RAB35: variants seen among roughly 807,000 people sequenced by gnomAD.
The protein encoded by RAB35 is ras-related protein Rab-35.
Under a neutral mutation model 28.9 loss-of-function variants are expected in RAB35, and 4 were observed. The observed-to-expected ratio is 0.14, with a 90% confidence interval of 0.07 to 0.32. The LOEUF is 0.32. Ranked by LOEUF, RAB35 falls within the 10% of genes least tolerant of loss-of-function variation. RAB35 has a pLI of 1.00. For synonymous variants in RAB35, 99 were observed against 105.1 expected (o/e 0.94, Z 0.35); for missense variants, 128 against 274.0 (o/e 0.47, Z 3.76).
intron 5 of RAB35, among the ~76,000 whole-genome samples, chr12:120,098,527 A>G (rs1485551584): frequency 1.3e-5 from 2 of 152,284 alleles, no homozygotes; most frequent in Non-Finnish European, 2.9e-5. Flanking sequence ...GGTGTGGGAC[A>G]GAGGTTTACT....
chr12:120,097,879 C>CTTTT (rs1043936271), intron 5 of RAB35, among the ~76,000 whole-genome samples: 11 of 127,714 alleles, frequency 8.6e-5, no homozygotes, highest in Non-Finnish European at 1.2e-4. Flanking sequence ...CAGCTGGAAT[C>CTTTT]TTTTTTTTTT....
intron 1 of RAB35, among the ~76,000 whole-genome samples, chr12:120,111,489 G>A (rs1220104165): frequency 6.6e-6 from 1 of 152,074 alleles, no homozygotes; most frequent in African/African-American, 2.4e-5. Context: ...AGACCATCCT[G>A]GCCAACATGA....
intron 2 of RAB35, among the ~76,000 whole-genome samples, chr12:120,104,349 C>T (rs890571322): frequency 1.3e-5 from 2 of 152,042 alleles, no homozygotes; most frequent in Admixed American, 6.6e-5. Context: ...AAATTTAGGG[C>T]CCTCAAAATT....
chr12:120,109,787 A>G (rs937956794), intron 1 of RAB35, among the ~76,000 whole-genome samples: 7 of 151,810 alleles, frequency 4.6e-5, no homozygotes, highest in African/African-American at 1.7e-4. Flanking sequence ...TACAGGCATG[A>G]GCCACTGCGC....
intron 1 of RAB35, among the ~76,000 whole-genome samples, chr12:120,113,734 C>T (rs1258294214): frequency 6.6e-6 from 1 of 151,240 alleles, no homozygotes; most frequent in Non-Finnish European, 1.5e-5. Context: ...AGGAGAATGG[C>T]GTGAACCGGG....
Position 120,107,068 on chromosome 12 carries a change from A to G in RAB35, c.103+1349T>C, listed in dbSNP as rs1037038084. 4.6e-5 allele frequency among the ~76,000 whole-genome samples: 7 copies of G among 151,710 alleles called. No individual in the cohort carries two copies. The East Asian group carries it at 9.8e-4, about 21-fold the overall frequency. On this transcript the variant is annotated intron_variant, in intron 2 of 5. Coordinates refer to ENST00000229340, the MANE Select transcript of RAB35 (RefSeq NM_006861.7). Reference sequence around the variant, plus strand: ...CAGTGGTGCCATCTCAGCTCACTGCAACCTCCCTCTCCCGGATTCAAGCAA... The same window carrying G: ...CAGTGGTGCCATCTCAGCTCACTGCGACCTCCCTCTCCCGGATTCAAGCAA...
intron 5 of RAB35, 81 bp from the exon 6 acceptor site, chr12:120,097,454 TC>T (rs1407865981): frequency 8.7e-7 from 1 of 1,154,898 alleles, no homozygotes; most frequent in East Asian, 2.4e-5. Flanking sequence ...CTCCCCGCCT[TC>T]CGGGGCCCAG....
In RAB35 at chr12:120,096,114, C is replaced by G. The variant is rs1594234408; in HGVS notation, c.*1131G>C. The stretch of plus-strand genomic sequence containing the variant: ...GGTTAGGACAGTGACCAGGGCCTGT[C>G]CATGGTCCCCACCCAGAGGCCCCAG... On this transcript the variant is annotated 3_prime_UTR_variant, in exon 6 of 6. Transcript: ENST00000229340. 2 of 300,582 alleles carry G rather than the reference C, an allele frequency of 6.7e-6. No homozygotes were observed. Among genetic ancestry groups the G allele is most frequent in the African/African-American group, 4.4e-5 (2 of 45,112 alleles). 18.6% of individuals were successfully genotyped at this position (300,582 alleles called of 1,614,324 possible).
At position 120,095,931 on chromosome 12, in the gene RAB35, G is replaced by A. The variant is rs1269741320; in HGVS notation, c.*1314C>T. ...CCAGGTCACTTGATCCCTGTAGTGG[G>A]AGGGGAATGAGGTGTCCGGGCTGGG... On this transcript the variant is annotated 3_prime_UTR_variant, in exon 6 of 6. Transcript: ENST00000229340. 4 of 157,354 alleles carry A rather than the reference G, an allele frequency of 2.5e-5. No homozygotes were observed. Among genetic ancestry groups the A allele is most frequent in the Admixed American group, 1.9e-4 (3 of 16,074 alleles). 9.7% of individuals were successfully genotyped at this position (157,354 alleles called of 1,614,324 possible).
Position 120,103,549 on chromosome 12 carries a change from C to A in RAB35, c.227+277G>T, listed in dbSNP as rs939483152. Among the ~76,000 whole-genome samples, 1 of 152,194 alleles carries A rather than the reference C, an allele frequency of 6.6e-6. No individual in the cohort carries two copies. The highest frequency in any genetic ancestry group is 1.5e-5 in the Non-Finnish European group (1 of 68,032). ...TCTGTAAGGTGACGGCACAGTGGGC[C>A]GGAGGGTCGGCTGACTCTCCAAGGA... On this transcript the variant is annotated intron_variant, in intron 3 of 5. Transcript: ENST00000229340. This position sits in a 1 kb window ranked among gnomAD's most constrained non-coding sequence, Gnocchi z 6.1.
At chr12:120,114,600 G>A (rs563585417) in intron 1 of RAB35, among the ~76,000 whole-genome samples, 1 of 152,306 alleles carries the variant, frequency 6.6e-6, no homozygotes, top group African/African-American at 2.4e-5. Flanking sequence ...CTCAATGTCG[G>A]GAGAAATCAA....
In RAB35 at chr12:120,097,014, G is replaced by A. The variant is rs916792714; in HGVS notation, c.*231C>T. 1.5e-5 allele frequency: 23 copies of A among 1,508,856 alleles called. No homozygotes were observed. The highest frequency in any genetic ancestry group is 5.5e-5 in the African/African-American group (4 of 72,502). 93.5% of individuals were successfully genotyped at this position (1,508,856 alleles called of 1,614,324 possible). On this transcript the variant is annotated 3_prime_UTR_variant, in exon 6 of 6. Transcript: ENST00000229340. ...GGCAGCGTCCTCGCCAGGTCCAGGCGCCTTGGCCGGGGAGGAGGGGGCACC... is the reference window on the plus strand; with the variant it reads ...GGCAGCGTCCTCGCCAGGTCCAGGCACCTTGGCCGGGGAGGAGGGGGCACC...
Position 120,116,662 on chromosome 12 carries a change from GCGGTGCGCGCGGGCGGGCGGGGT to G in RAB35, c.-35_-13del, listed in dbSNP as rs1374763903. ...TAGTCCCGGGCCATGGCGGGCGGGGGCGGTGCGCGCGGGCGGGCGGGGTCGGTACTGGCCTCGCGATCCGCAGC... is the reference window on the plus strand; with the variant it reads ...TAGTCCCGGGCCATGGCGGGCGGGGGCGGTACTGGCCTCGCGATCCGCAGC... On this transcript the variant is annotated 5_prime_UTR_variant, in exon 1 of 6. Coordinates refer to ENST00000229340, the MANE Select transcript of RAB35 (RefSeq NM_006861.7). 2.0e-5 allele frequency: 25 copies of G among 1,224,192 alleles called. No individual in the cohort carries two copies. Among genetic ancestry groups the G allele is most frequent in the Non-Finnish European group, 2.4e-5 (24 of 983,012 alleles). The allele number at this position is 1,224,192 out of a possible 1,614,324, so 75.8% of individuals were successfully genotyped here.
intron 1 of RAB35, 95 bp downstream of exon 1, chr12:120,116,504 A>C (rs2139066966): frequency 4.6e-4 from 275 of 592,140 alleles, no homozygotes; most frequent in Non-Finnish European, 5.3e-4. Context: ...CCCGCCCCGC[A>C]CGGGCCGGCA....
chr12:120,098,738 C>T, intron 5 of RAB35, 73 bp downstream of exon 5: 4 of 1,586,656 alleles, frequency 2.5e-6, no homozygotes, highest in Non-Finnish European at 3.4e-6. Context: ...CATTTAGATG[C>T]CTCAAGCAGG....
intron 3 of RAB35, among the ~76,000 whole-genome samples, chr12:120,100,686 T>A (rs1214170031): frequency 6.6e-6 from 1 of 152,150 alleles, no homozygotes; most frequent in African/African-American, 2.4e-5. Context: ...ACCGCTGGGA[T>A]CTCTTCCCAG....
intron 3 of RAB35, among the ~76,000 whole-genome samples, chr12:120,099,860 G>A (rs1001578514): frequency 1.3e-5 from 2 of 151,542 alleles, no homozygotes; most frequent in African/African-American, 2.4e-5. Context: ...GGCACAGGAC[G>A]ACATCAATCC....
In RAB35 at chr12:120,099,051, C is replaced by G. The variant is rs2139048441; in HGVS notation, c.331G>C (p.Asp111His). 2 of 1,610,296 alleles carry G rather than the reference C, an allele frequency of 1.2e-6. No individual in the cohort carries two copies. Among genetic ancestry groups the G allele is most frequent in the Non-Finnish European group, 1.7e-6 (2 of 1,177,730 alleles). Residue 111 changes from aspartate to histidine, a missense_variant, in exon 4 of 6, where the codon GAT becomes CAT. Coordinates refer to ENST00000229340, the MANE Select transcript of RAB35 (RefSeq NM_006861.7). ...RWLHEINQNC[D>H]DVCRILVGNK... ...TCACCTAATATTCGGCACACATCAT[C>G]ACAGTTCTGGTTGATTTCGTGAAGC...
At chr12:120,104,206 A>G (rs1566284383) in intron 2 of RAB35, among the ~76,000 whole-genome samples, 1 of 152,144 alleles carries the variant, frequency 6.6e-6, no homozygotes, top group East Asian at 1.9e-4. Flanking sequence ...GACACATAGG[A>G]AATAACACGG....
Sources: gnomAD v4.1 joint callset for allele counts (sites outside exome capture counted in the v4.1 genomes callset) on GRCh38, gnomAD v4.1.1 for gene constraint, Gnocchi (gnomAD v3.1) non-coding constraint, MANE v1.5 for transcripts, NCBI Gene and HGNC (gene_info 2026-07-23, HGNC 2026-07-21) for gene names.